FAM171A1: variants seen among roughly 807,000 people sequenced by gnomAD.
FAM171A1 encodes protein FAM171A1.
A neutral mutation model predicts 74.9 loss-of-function variants in FAM171A1; 23 were observed. That is an observed-to-expected ratio of 0.31 (90% CI 0.22 to 0.44). The LOEUF is 0.44. Among genes scored for constraint, FAM171A1 ranks in the 20% least tolerant of loss-of-function variants. The pLI is 1.00. For missense variants in FAM171A1, 1,162 were observed against 1,159.2 expected (o/e 1.00, Z -0.03); for synonymous variants, 527 against 505.7 (o/e 1.04, Z -0.57).
chr10:15,258,572 G>A (rs958490056), intron 3 of FAM171A1, among the ~76,000 whole-genome samples: 1 of 152,044 alleles, frequency 6.6e-6, no homozygotes, highest in African/African-American at 2.4e-5. Flanking sequence ...CCCCATAAGC[G>A]AATGCCTTCT....
intron 1 of FAM171A1, among the ~76,000 whole-genome samples, chr10:15,315,220 G>A (rs1220083766): frequency 1.3e-5 from 2 of 152,166 alleles, no homozygotes; most frequent in East Asian, 3.9e-4. Flanking sequence ...ATATAGGAAG[G>A]CAGAGAGTGG....
In FAM171A1 at chr10:15,214,143, T is replaced by A. The variant is rs377674623; in HGVS notation, c.1445A>T (p.Asn482Ile). 1.2e-6 allele frequency: 2 copies of A among 1,614,074 alleles called. No individual in the cohort carries two copies. Among genetic ancestry groups the A allele is most frequent in the Non-Finnish European group, 8.5e-7 (1 of 1,180,036 alleles). ...GTTGTAACTACCCCTGTAGTCATCA[T>A]TGCCCGAGGACTCGTAGCCTTCTCT... ...MEREGYESSG[N>I]DDYRGSYNTV... is the part of the protein sequence containing the mutation. The change falls in exon 8 of 8, where the codon AAT becomes ATT. Residue 482 changes from asparagine (N) to isoleucine (I), a missense_variant. Transcript: ENST00000378116.
At chr10:15,299,196 G>C (rs1323016922) in intron 1 of FAM171A1, among the ~76,000 whole-genome samples, 2 of 152,192 alleles carry the variant, frequency 1.3e-5, no homozygotes, top group East Asian at 1.9e-4. Context: ...TGGGATTACA[G>C]GTGTGAGCCA....
At chr10:15,224,203 G>A (rs1422361117) in intron 5 of FAM171A1, among the ~76,000 whole-genome samples, 1 of 152,120 alleles carries the variant, frequency 6.6e-6, no homozygotes, top group African/African-American at 2.4e-5. Flanking sequence ...GGCAGGGCGG[G>A]AGCCAGGAGA....
chr10:15,350,442 T>C (rs1835864354), intron 1 of FAM171A1, among the ~76,000 whole-genome samples: 1 of 149,592 alleles, frequency 6.7e-6, no homozygotes, highest in East Asian at 2.0e-4. Flanking sequence ...CCTTGGTTCA[T>C]GCAATTCTCC....
chr10:15,337,739 G>T (rs1026732085), intron 1 of FAM171A1, among the ~76,000 whole-genome samples: 7 of 152,162 alleles, frequency 4.6e-5, no homozygotes, highest in Non-Finnish European at 1.0e-4. Context: ...ACTTGAGATC[G>T]GGAATTTGAG....
At chr10:15,284,729 A>T (rs932120310) in intron 1 of FAM171A1, among the ~76,000 whole-genome samples, 1 of 152,042 alleles carries the variant, frequency 6.6e-6, no homozygotes, top group African/African-American at 2.4e-5. Flanking sequence ...ATACTCTTTC[A>T]ATGGTGTTTG....
rs117540815 is a variant in FAM171A1 at position 15,312,566 on chromosome 10, T to C, written c.98-28461A>G. ...TACCCCCAGGGCTGTGCAGCTCAGA[T>C]TGTGGCTCACAGAGGTGCCCGGCTG... On this transcript the variant is annotated intron_variant, in intron 1 of 7. Coordinates refer to ENST00000378116, the MANE Select transcript of FAM171A1 (RefSeq NM_001010924.2). Among the ~76,000 whole-genome samples the C allele has an allele frequency of 3.6e-3, 548 of 151,574 alleles. 7 individuals carry two copies. Among genetic ancestry groups the C allele is most frequent in the Middle Eastern group, 0.017 (5 of 292 alleles).
At chr10:15,326,784 T>C (rs898937091) in intron 1 of FAM171A1, among the ~76,000 whole-genome samples, 2 of 152,060 alleles carry the variant, frequency 1.3e-5, no homozygotes, top group Non-Finnish European at 2.9e-5. Context: ...CCTGCCATCA[T>C]ACCCAGCTAA....
intron 1 of FAM171A1, among the ~76,000 whole-genome samples, chr10:15,360,239 C>T (rs1450604099): frequency 6.6e-6 from 1 of 152,186 alleles, no homozygotes; most frequent in African/African-American, 2.4e-5. Context: ...GGGCCCGATG[C>T]TTTGCTTTTG....
At chr10:15,301,762 A>G (rs993347446) in intron 1 of FAM171A1, among the ~76,000 whole-genome samples, 2 of 152,188 alleles carry the variant, frequency 1.3e-5, no homozygotes, top group Non-Finnish European at 2.9e-5. Context: ...AGTAATAAAC[A>G]TCCCTTATCT....
At chr10:15,296,762 T>A (rs1278759184) in intron 1 of FAM171A1, among the ~76,000 whole-genome samples, 2 of 152,196 alleles carry the variant, frequency 1.3e-5, no homozygotes, top group Non-Finnish European at 2.9e-5. Context: ...TGAAACATGT[T>A]CCTTAGATTT....
chr10:15,318,579 C>T lies in FAM171A1; in HGVS notation c.98-34474G>A, dbSNP rs149706233. On this transcript the variant is annotated intron_variant, in intron 1 of 7. Coordinates refer to ENST00000378116, the MANE Select transcript of FAM171A1 (RefSeq NM_001010924.2). Reference sequence around the variant, plus strand: ...CCAAATCCCCTACCAAATGCCGGAGCTGGTTCCCATCAGTACGTAGGTCAG... The same window carrying T: ...CCAAATCCCCTACCAAATGCCGGAGTTGGTTCCCATCAGTACGTAGGTCAG... 2.8e-4 allele frequency among the ~76,000 whole-genome samples: 42 copies of T among 152,330 alleles called. No homozygotes were observed. The East Asian group carries it at 7.9e-3, about 29-fold the overall frequency.
intron 1 of FAM171A1, among the ~76,000 whole-genome samples, chr10:15,357,482 G>C (rs1398067566): frequency 6.6e-6 from 1 of 152,200 alleles, no homozygotes; most frequent in Non-Finnish European, 1.5e-5. Flanking sequence ...GGATTTACTA[G>C]GAAGGGAATG....
At chr10:15,366,761 G>A (rs551947766) in intron 1 of FAM171A1, among the ~76,000 whole-genome samples, 3 of 152,224 alleles carry the variant, frequency 2.0e-5, no homozygotes, top group Admixed American at 1.3e-4. Flanking sequence ...ATTTCCATAT[G>A]TTTTCTTGGT....
At chr10:15,248,451 A>G (rs572195854) in intron 5 of FAM171A1, among the ~76,000 whole-genome samples, 188 bp downstream of exon 5, 3 of 152,326 alleles carry the variant, frequency 2.0e-5, no homozygotes, top group East Asian at 1.9e-4. Context: ...ACAAAAAATG[A>G]GTTCCCAAGA....
intron 5 of FAM171A1, among the ~76,000 whole-genome samples, chr10:15,237,084 C>T (rs1389698236): frequency 6.6e-6 from 1 of 152,130 alleles, no homozygotes; most frequent in Non-Finnish European, 1.5e-5. Flanking sequence ...ACTAAGAGGG[C>T]CTTGAGGCTC....
chr10:15,237,550 T>C (rs1029322551), intron 5 of FAM171A1: 6 of 152,172 alleles, frequency 3.9e-5, no homozygotes, highest in East Asian at 1.9e-4. Flanking sequence ...CTGCACTCCA[T>C]TGGAGAACAG....
At chr10:15,360,098 A>AT (rs545819573) in intron 1 of FAM171A1, among the ~76,000 whole-genome samples, 17 of 151,940 alleles carry the variant, frequency 1.1e-4, no homozygotes, top group African/African-American at 3.1e-4. Context: ...TGCCTGGCTA[A>AT]TTTTTTTTAT....
Sources: allele counts gnomAD v4.1 joint callset (sites outside exome capture counted in the v4.1 genomes callset), GRCh38; gene constraint gnomAD v4.1.1; transcripts MANE v1.5; gene names NCBI Gene and HGNC (gene_info 2026-07-23, HGNC 2026-07-21).